The following FOXRED2 variants were observed in gnomAD, a reference collection of about 807,000 sequenced individuals.
FOXRED2 encodes FAD-dependent oxidoreductase domain-containing protein 2.
FOXRED2 carries 32 observed loss-of-function variants against 52.5 expected under a neutral mutation model. The observed-to-expected ratio is 0.61, with a 90% CI of 0.46 to 0.82. The LOEUF is 0.82. Among genes scored for constraint, FOXRED2 ranks in the 40% least tolerant of loss-of-function variants. The pLI is 0.00. For missense variants in FOXRED2, 848 were observed against 937.5 expected (o/e 0.90, Z 1.25); for synonymous variants, 405 against 398.1 (o/e 1.02, Z -0.21).
chr22:36,506,879 T>C (rs968407824), intron 1 of FOXRED2, 130 bp downstream of exon 1: 3 of 156,114 alleles, frequency 1.9e-5, no homozygotes, highest in African/African-American at 7.2e-5. Flanking sequence ...CGCCCCAGGC[T>C]CTTCGGCCAC....
At chr22:36,495,318 G>A (rs1390516200) in intron 7 of FOXRED2, among the ~76,000 whole-genome samples, 1 of 152,066 alleles carries the variant, frequency 6.6e-6, no homozygotes, top group Non-Finnish European at 1.5e-5. Context: ...CTGCTGACAC[G>A]ACTTCTGCCT....
In FOXRED2 at chr22:36,504,747, C is replaced by T. The variant is rs752134663; in HGVS notation, c.547G>A (p.Gly183Ser). ...TCAACCTGGTTGGGGACTGATAAAC[C>T]AGTGGCTACAAAGAGGACGCTGCAG... ...HQCSVLFVAT[G>S]LSVPNQVDFP... The change falls in exon 3 of 9, where the codon GGT becomes AGT. Residue 183 changes from glycine (G) to serine (S), a missense_variant. Coordinates refer to ENST00000397224, the MANE Select transcript of FOXRED2 (RefSeq NM_001102371.2). The T allele has an allele frequency of 2.5e-6, 4 of 1,614,108 alleles. No homozygotes were observed. The South Asian group carries it at 3.3e-5, about 13-fold the overall frequency.
intron 5 of FOXRED2, chr22:36,498,475 C>G (rs184696540): frequency 3.7e-4 from 95 of 259,324 alleles, no homozygotes; most frequent in African/African-American, 2.0e-3. Flanking sequence ...GTGAGCACAG[C>G]TGGAGTTGGT....
In FOXRED2 at chr22:36,496,114, A is replaced by C. The variant is rs1308245888; in HGVS notation, c.1477T>G (p.Phe493Val). Residue 493 changes from phenylalanine to valine, a missense_variant, in exon 7 of 9, where the codon TTC (phenylalanine) becomes GTC (valine). Phe to Val is a conservative substitution (Grantham distance 50, BLOSUM62 -1). Coordinates refer to ENST00000397224, the MANE Select transcript of FOXRED2 (RefSeq NM_001102371.2). The part of the protein sequence containing the change: ...LTGRKAKHGL[F>V]VINMEYGRNF... ...CTGCCATATTCCATGTTGATGACGA[A>C]GAGCCCGTGCTTTGCCTTCCTCCCT... 1 of 1,614,236 alleles carries C rather than the reference A, an allele frequency of 6.2e-7. No individual in the cohort carries two copies. The highest frequency in any genetic ancestry group is 1.7e-4 in the Middle Eastern group (1 of 6,054).
Position 36,495,960 on chromosome 22 carries a change from T to C in FOXRED2, c.1624+7A>G. 1 of 1,612,924 alleles carries C rather than the reference T, an allele frequency of 6.2e-7. No individual in the cohort carries two copies. The highest frequency in any genetic ancestry group is 8.5e-7 in the Non-Finnish European group (1 of 1,178,914). ...CACAGGTTGGGGAAGGGCAGAGACC[T>C]GCTCACCGGTGGGGAGGTATCTATA... On this transcript the variant is annotated splice_region_variant and intron_variant, in intron 7 of 8. Coordinates refer to ENST00000397224, the MANE Select transcript of FOXRED2 (RefSeq NM_001102371.2).
intron 1 of FOXRED2, 74 bp from the exon 2 acceptor site, chr22:36,506,497 G>A (rs909677684): frequency 7.4e-7 from 1 of 1,356,100 alleles, no homozygotes; most frequent in Non-Finnish European, 9.6e-7. Flanking sequence ...GAAAGAGGCG[G>A]GGCCTGCGGG....
In FOXRED2 at chr22:36,493,756, T is replaced by G. The variant is rs755657123; in HGVS notation, c.1672A>C (p.Thr558Pro). 2 of 1,614,208 alleles carry G rather than the reference T, an allele frequency of 1.2e-6. No individual in the cohort carries two copies. The highest frequency in any genetic ancestry group is 2.2e-5 in the South Asian group (2 of 91,086). ...RPAHWPLPRPTAIHHIVEDFL... is the reference protein window; with the variant it reads ...RPAHWPLPRPPAIHHIVEDFL... ...TCTTCCACGATGTGATGGATGGCCGTGGGCCGAGGCAGGGGCCAGTGTGCA... is the reference window on the plus strand; with the variant it reads ...TCTTCCACGATGTGATGGATGGCCGGGGGCCGAGGCAGGGGCCAGTGTGCA... Residue 558 changes from threonine to proline, a missense_variant, in exon 8 of 9, where the codon ACG becomes CCG. Thr to Pro is a conservative substitution (Grantham distance 38, BLOSUM62 -1). Coordinates refer to ENST00000397224, the MANE Select transcript of FOXRED2 (RefSeq NM_001102371.2).
intron 5 of FOXRED2, among the ~76,000 whole-genome samples, chr22:36,499,847 GC>G (rs535366922): frequency 1.1e-3 from 171 of 152,126 alleles, no homozygotes; most frequent in African/African-American, 3.9e-3. Context: ...TTTTGCCCAG[GC>G]TGGAGTGCAA....
Position 36,489,371 on chromosome 22 carries a change from G to A in FOXRED2, c.*637C>T, listed in dbSNP as rs1483546246. The A allele has an allele frequency of 6.6e-6, 1 of 152,266 alleles. No individual in the cohort carries two copies. The highest frequency in any genetic ancestry group is 1.5e-5 in the Non-Finnish European group (1 of 68,064). The allele number at this position is 152,266 out of a possible 1,614,324, so 9.4% of individuals were successfully genotyped here. Reference sequence around the variant, plus strand: ...CCTGCTGGGCCTATGATGATAAGCAGGGCTGACCCTCTTGGGCTCTGTAGC... The same window carrying A: ...CCTGCTGGGCCTATGATGATAAGCAAGGCTGACCCTCTTGGGCTCTGTAGC... On this transcript the variant is annotated 3_prime_UTR_variant, in exon 9 of 9. Coordinates refer to ENST00000397224, the MANE Select transcript of FOXRED2 (RefSeq NM_001102371.2).
Position 36,490,045 on chromosome 22 carries a change from A to G in FOXRED2, c.2018T>C (p.Leu673Pro), listed in dbSNP as rs751419357. The G allele has an allele frequency of 6.2e-7, 1 of 1,608,634 alleles. No individual in the cohort carries two copies. Among genetic ancestry groups the G allele is most frequent in the Non-Finnish European group, 8.5e-7 (1 of 1,176,270 alleles). Residue 673 changes from leucine (L) to proline (P), a missense_variant, in exon 9 of 9, where the codon CTG becomes CCG. By Grantham distance (98) the Leu-to-Pro change is moderately conservative. Transcript: ENST00000397224. The part of the protein sequence containing the change: ...PLGSPLAPGP[L>P]AQSVDSNKEE... Reference sequence around the variant, plus strand: ...TTTGTTGCTATCGACGGACTGAGCCAGAGGCCCTGGAGCCAGGGGGGAACC... The same window carrying G: ...TTTGTTGCTATCGACGGACTGAGCCGGAGGCCCTGGAGCCAGGGGGGAACC...
chr22:36,500,135 G>A (rs1301380933), intron 5 of FOXRED2, among the ~76,000 whole-genome samples: 1 of 152,150 alleles, frequency 6.6e-6, no homozygotes, highest in African/African-American at 2.4e-5. Flanking sequence ...CCACAGAAAG[G>A]GCACCAGTTT....
At position 36,490,313 on chromosome 22, in the gene FOXRED2, G is replaced by C. The variant is rs565084051; in HGVS notation, c.1796-46C>G. On this transcript the variant is annotated intron_variant, in intron 8 of 8. Coordinates refer to ENST00000397224, the MANE Select transcript of FOXRED2 (RefSeq NM_001102371.2). ...GAGAATGAGCCAGGCTGGGACATGTGGGGAGGGGTGCAGAAAGGGGAGCTG... is the reference window on the plus strand; with the variant it reads ...GAGAATGAGCCAGGCTGGGACATGTCGGGAGGGGTGCAGAAAGGGGAGCTG... 7.8e-6 allele frequency: 12 copies of C among 1,537,362 alleles called. No homozygotes were observed. The South Asian group carries it at 1.2e-4, about 16-fold the overall frequency.
Position 36,495,977 on chromosome 22 carries a change from G to A in FOXRED2, c.1614C>T (p.Tyr538=). ...FLHPVIYYYR[Y]LPTEQEVRFR... Reference sequence around the variant, plus strand: ...CAGAGACCTGCTCACCGGTGGGGAGGTATCTATAGTAGTAGATGACAGGAT... The same window carrying A: ...CAGAGACCTGCTCACCGGTGGGGAGATATCTATAGTAGTAGATGACAGGAT... Residue 538 remains tyrosine (Y), a synonymous_variant, in exon 7 of 9, where the codon TAC becomes TAT. Coordinates refer to ENST00000397224, the MANE Select transcript of FOXRED2 (RefSeq NM_001102371.2). 1 of 1,613,920 alleles carries A rather than the reference G, an allele frequency of 6.2e-7. No individual in the cohort carries two copies. The highest frequency in any genetic ancestry group is 1.7e-5 in the Admixed American group (1 of 60,026).
In FOXRED2 at chr22:36,506,350, G is replaced by A; in HGVS notation, c.73C>T (p.Leu25=). 2 of 1,479,346 alleles carry A rather than the reference G, an allele frequency of 1.4e-6. No individual in the cohort carries two copies. The highest frequency in any genetic ancestry group is 1.8e-6 in the Non-Finnish European group (2 of 1,118,142). The allele number at this position is 1,479,346 out of a possible 1,614,324, so 91.6% of individuals were successfully genotyped here. Residue 25 remains leucine (L), a synonymous_variant, in exon 2 of 9, where the codon CTG becomes TTG. Transcript: ENST00000397224. The part of the protein sequence containing the change: ...LLLAIALHPA[L]SVPPRRDYCV... ...TAGTCCCGGCGCGGGGGCACCGACA[G>A]CGCTGGGTGCAGGGCGATGGCCAGG...
rs546093855 is a variant in FOXRED2, at chr22:36,495,297, G to A, written c.1624+670C>T. Among the ~76,000 whole-genome samples, 26 of 152,164 alleles carry A rather than the reference G, an allele frequency of 1.7e-4. No individual in the cohort carries two copies. In the Middle Eastern group the frequency reaches 0.014, roughly 80 times the overall value. ...TTATACTGACCACAGACCTGCACCC[G>A]TCACTGCTACCTGCTGACACGACTT... On this transcript the variant is annotated intron_variant, in intron 7 of 8. Coordinates refer to ENST00000397224, the MANE Select transcript of FOXRED2 (RefSeq NM_001102371.2).
chr22:36,502,713 G>A (rs184678112), intron 4 of FOXRED2, among the ~76,000 whole-genome samples: 1 of 151,766 alleles, frequency 6.6e-6, no homozygotes, highest in African/African-American at 2.4e-5. Flanking sequence ...TTTTTGAGAT[G>A]GAGATCTTGC....
Position 36,493,678 on chromosome 22 carries a change from A to G in FOXRED2, c.1750T>C (p.Phe584Leu). ...TCGGTGTCCAAACAGTTCTCCAGGA[A>G]GCGCCTCAGAGGTAGGATGTGCCCG... ...PIGHILPLRRFLENCLDTDLR... is the reference protein window; with the variant it reads ...PIGHILPLRRLLENCLDTDLR... The change falls in exon 8 of 9, where the codon TTC (phenylalanine) becomes CTC (leucine). Residue 584 changes from phenylalanine (F) to leucine (L), a missense_variant. By Grantham distance (22) the Phe-to-Leu change is conservative. Coordinates refer to ENST00000397224, the MANE Select transcript of FOXRED2 (RefSeq NM_001102371.2). 6.2e-7 allele frequency: 1 copy of G among 1,614,214 alleles called. No homozygotes were observed. Among genetic ancestry groups the G allele is most frequent in the Non-Finnish European group, 8.5e-7 (1 of 1,180,022 alleles).
intron 1 of FOXRED2, chr22:36,506,741 T>G: frequency 3.3e-6 from 1 of 303,210 alleles, no homozygotes. Flanking sequence ...AATTTGAGGG[T>G]GCCCAACACC....
In FOXRED2 at chr22:36,505,875, G is replaced by A. The variant is rs564806998; in HGVS notation, c.527+21C>T. The A allele has an allele frequency of 2.4e-5, 38 of 1,599,354 alleles. 1 individual carries two copies. In the South Asian group the frequency reaches 4.2e-4, roughly 18 times the overall value. On this transcript the variant is annotated intron_variant, in intron 2 of 8. Coordinates refer to ENST00000397224, the MANE Select transcript of FOXRED2 (RefSeq NM_001102371.2). The stretch of plus-strand genomic sequence containing the variant: ...GGGGAAGGTCCCAGCTTCCGCAGGT[G>A]AGCTCTGGCACCGGCCTTACCTGCA...
Sources: gnomAD v4.1 joint callset for allele counts (sites outside exome capture counted in the v4.1 genomes callset) on GRCh38, gnomAD v4.1.1 for gene constraint, MANE v1.5 for transcripts, NCBI Gene and HGNC (gene_info 2026-07-23, HGNC 2026-07-21) for gene names.